The following THSD7B variants were observed in gnomAD, a reference collection of about 807,000 sequenced individuals.
THSD7B encodes thrombospondin type 1 domain containing 7B.
THSD7B carries 138 observed loss-of-function variants against 213.6 expected under a neutral mutation model. The observed-to-expected ratio is 0.65, with a 90% CI of 0.56 to 0.74. The LOEUF is 0.74. Ranked by LOEUF, THSD7B falls within the 30% of genes least tolerant of loss-of-function variation. The probability of loss-of-function intolerance (pLI) is 0.00; values close to 1 mark genes in which losing one functional copy is unlikely to be tolerated. For missense variants in THSD7B, 1,931 were observed against 1,991.5 expected, an observed-to-expected ratio of 0.97 and a Z score of 0.58; for synonymous variants, 742 against 687.0, an observed-to-expected ratio of 1.08 and a Z score of -1.25.
intron 20 of THSD7B, among the ~76,000 whole-genome samples, chr2:137,631,757 G>T (rs1042606825): frequency 3.9e-5 from 6 of 152,118 alleles, no homozygotes; most frequent in African/African-American, 1.4e-4. Flanking sequence ...CTAGGTAGTG[G>T]AATGGAAGAA....
intron 14 of THSD7B, among the ~76,000 whole-genome samples, chr2:137,423,777 G>T (rs1272363584): frequency 1.3e-5 from 2 of 152,024 alleles, no homozygotes; most frequent in Admixed American, 6.6e-5. Context: ...TATATTAAAA[G>T]CTTAGCTAGC....
chr2:137,072,495 G>T (rs1430531802), intron 3 of THSD7B, among the ~76,000 whole-genome samples: 3 of 152,106 alleles, frequency 2.0e-5, no homozygotes, highest in Non-Finnish European at 4.4e-5. Context: ...AGCTTAAGGA[G>T]ATTTTGGGCT....
intron 15 of THSD7B, among the ~76,000 whole-genome samples, chr2:137,493,479 T>C (rs2105125515): frequency 6.6e-6 from 1 of 152,318 alleles, no homozygotes; most frequent in East Asian, 1.9e-4. Flanking sequence ...TGCTACTCCC[T>C]GCCTGCACTT....
chr2:137,668,225 T>G (rs1033306614), intron 27 of THSD7B, among the ~76,000 whole-genome samples: 1 of 152,172 alleles, frequency 6.6e-6, no homozygotes, highest in South Asian at 2.1e-4. Flanking sequence ...GGCCAGGTCA[T>G]CTGGGTGTTG....
intron 7 of THSD7B, among the ~76,000 whole-genome samples, chr2:137,174,834 G>A (rs1680329681): frequency 6.6e-6 from 1 of 152,130 alleles, no homozygotes; most frequent in South Asian, 2.1e-4. Context: ...ATATGCATAG[G>A]TTATTCTTGT....
intron 12 of THSD7B, among the ~76,000 whole-genome samples, chr2:137,326,198 T>C (rs992858014): frequency 6.6e-6 from 1 of 152,144 alleles, no homozygotes; most frequent in African/African-American, 2.4e-5. Context: ...TCGAGACCCA[T>C]GATCATAGCA....
chr2:137,028,349 G>T (rs1686593012), intron 2 of THSD7B, among the ~76,000 whole-genome samples: 1 of 152,134 alleles, frequency 6.6e-6, no homozygotes, highest in African/African-American at 2.4e-5. Context: ...GAAGAAAATT[G>T]CTTGTAGATA....
chr2:137,401,250 G>A (rs1467142998), intron 12 of THSD7B, among the ~76,000 whole-genome samples: 1 of 152,058 alleles, frequency 6.6e-6, no homozygotes, highest in Non-Finnish European at 1.5e-5. Flanking sequence ...CCTCTGAATT[G>A]GGTTGTACCT....
At chr2:137,641,527 TA>T (rs1333219468) in intron 20 of THSD7B, among the ~76,000 whole-genome samples, 1 of 152,212 alleles carries the variant, frequency 6.6e-6, no homozygotes, top group East Asian at 1.9e-4. Flanking sequence ...CACAAATAAC[TA>T]ATAGTAATTA....
intron 17 of THSD7B, among the ~76,000 whole-genome samples, chr2:137,584,032 T>A (rs1412198238): frequency 1.3e-5 from 2 of 152,044 alleles, no homozygotes; most frequent in African/African-American, 2.4e-5. Context: ...GGTTTGTAGT[T>A]CTCCTTGAAG....
chr2:137,074,953 C>T (rs1051843438), intron 3 of THSD7B, among the ~76,000 whole-genome samples: 1 of 152,210 alleles, frequency 6.6e-6, no homozygotes. Flanking sequence ...GCCGAGATAT[C>T]AGCTGTTAGG....
chr2:137,042,241 T>G (rs1405324313), intron 2 of THSD7B, among the ~76,000 whole-genome samples: 1 of 152,204 alleles, frequency 6.6e-6, no homozygotes, highest in East Asian at 1.9e-4. Flanking sequence ...GGATGGGAAA[T>G]TGGATTTTAA....
intron 5 of THSD7B, among the ~76,000 whole-genome samples, chr2:137,117,306 C>T (rs1303273129): frequency 6.6e-6 from 1 of 152,134 alleles, no homozygotes; most frequent in Non-Finnish European, 1.5e-5. Context: ...TCTTGGCCCC[C>T]ATTAAACACA....
intron 6 of THSD7B, among the ~76,000 whole-genome samples, chr2:137,161,853 T>A (rs1338293913): frequency 6.6e-6 from 1 of 152,200 alleles, no homozygotes; most frequent in Non-Finnish European, 1.5e-5. Flanking sequence ...TTTACATATT[T>A]TTAGAACAGT....
chr2:137,354,747 C>G (rs1396398455), intron 12 of THSD7B, among the ~76,000 whole-genome samples: 1 of 151,582 alleles, frequency 6.6e-6, no homozygotes, highest in Non-Finnish European at 1.5e-5. Context: ...CAAGGTACTA[C>G]TTTTGTCCGA....
chr2:137,232,199 A>C (rs1023988293), intron 8 of THSD7B, among the ~76,000 whole-genome samples: 1 of 152,160 alleles, frequency 6.6e-6, no homozygotes, highest in Non-Finnish European at 1.5e-5. Flanking sequence ...ACCACTTTTT[A>C]TATGGATATA....
At chr2:137,417,625 G>T (rs1558790630) in intron 14 of THSD7B, among the ~76,000 whole-genome samples, 2 of 151,704 alleles carry the variant, frequency 1.3e-5, no homozygotes, top group South Asian at 2.1e-4. Flanking sequence ...TAGAGTTGAG[G>T]TCTCCCTATG....
rs1687052275 is a variant in THSD7B at position 137,426,236 on chromosome 2, C to G, written c.2959+14364C>G. The stretch of plus-strand genomic sequence containing the variant: ...CATAGATCAAAGTAATAAATATTGT[C>G]AAAATGTTTATACTATTCAAAATCA... On this transcript the variant is annotated intron_variant, in intron 14 of 27. Coordinates refer to ENST00000409968, the MANE Select transcript of THSD7B (RefSeq NM_001316349.2). Among the ~76,000 whole-genome samples the G allele has an allele frequency of 2.0e-5, 3 of 151,874 alleles. No individual in the cohort carries two copies. In the South Asian group the frequency reaches 6.2e-4, roughly 31 times the overall value.
At chr2:137,627,556 T>A (rs1455451254) in intron 20 of THSD7B, among the ~76,000 whole-genome samples, 1 of 152,204 alleles carries the variant, frequency 6.6e-6, no homozygotes. Flanking sequence ...CAAATGTATG[T>A]GCTGATGTTG....
Sources: allele counts gnomAD v4.1 joint callset (sites outside exome capture counted in the v4.1 genomes callset), GRCh38; gene constraint gnomAD v4.1.1; transcripts MANE v1.5; gene names NCBI Gene and HGNC (gene_info 2026-07-23, HGNC 2026-07-21).